Variants in ARHGAP42 observed in about 807,000 individuals in gnomAD.
ARHGAP42 encodes rho GTPase-activating protein 42.
ARHGAP42 carries 63 observed loss-of-function variants against 125.0 expected under a neutral mutation model. The ratio of observed to expected loss-of-function variants is 0.50; its 90% confidence interval spans 0.41 to 0.62. The LOEUF is 0.62. Among genes scored for constraint, ARHGAP42 ranks in the 20% least tolerant of loss-of-function variants. The probability of loss-of-function intolerance (pLI) is 0.00; values close to 1 mark genes in which losing one functional copy is unlikely to be tolerated. For synonymous variants in ARHGAP42, 339 were observed against 351.0 expected (o/e 0.97, Z 0.38); for missense variants, 766 against 1,024.2 (o/e 0.75, Z 3.44).
At chr11:100,909,668 G>C (rs1052209720) in intron 4 of ARHGAP42, among the ~76,000 whole-genome samples, 2 of 152,094 alleles carry the variant, frequency 1.3e-5, no homozygotes, top group Non-Finnish European at 1.5e-5. Flanking sequence ...ATCTTACCTT[G>C]AAGTCTTTAA....
intron 2 of ARHGAP42, among the ~76,000 whole-genome samples, chr11:100,775,332 T>C (rs1591170929): frequency 6.6e-6 from 1 of 152,226 alleles, no homozygotes; most frequent in Admixed American, 6.5e-5. Flanking sequence ...TATAAACCGG[T>C]ATAAGATAGA....
chr11:100,958,037 A>G (rs1389652942), intron 12 of ARHGAP42, among the ~76,000 whole-genome samples: 1 of 152,038 alleles, frequency 6.6e-6, no homozygotes, highest in African/African-American at 2.4e-5. Flanking sequence ...CTAGTACCAA[A>G]CATTTTAAAT....
chr11:100,936,253 A>T lies in ARHGAP42; in HGVS notation c.753A>T (p.Gln251His). 1 of 1,551,760 alleles carries T rather than the reference A, an allele frequency of 6.4e-7. No homozygotes were observed. The highest frequency in any genetic ancestry group is 8.7e-7 in the Non-Finnish European group (1 of 1,146,950). ...STRQEVERLM[Q>H]RMKSANQDYR... ...GACAAGAGGTAGAGCGGTTGATGCA[A>T]AGGATGAAATCTGCTAACCAGGACT... Residue 251 changes from glutamine to histidine, a missense_variant, in exon 8 of 24, where the codon CAA becomes CAT. Transcript: ENST00000298815.
At chr11:100,749,718 C>T (rs112206162) in intron 1 of ARHGAP42, among the ~76,000 whole-genome samples, 3,993 of 152,270 alleles carry the variant, frequency 0.026, 70 homozygotes, top group Non-Finnish European at 0.032. Flanking sequence ...GAGGTAGCTA[C>T]AGAACCACAG....
intron 2 of ARHGAP42, among the ~76,000 whole-genome samples, chr11:100,777,545 C>G (rs1193211193): frequency 6.6e-6 from 1 of 152,078 alleles, no homozygotes; most frequent in African/African-American, 2.4e-5. Context: ...ATTCTGTTTC[C>G]CAAATGAGAA....
chr11:100,777,826 C>G (rs1255407589), intron 2 of ARHGAP42, among the ~76,000 whole-genome samples: 1 of 152,134 alleles, frequency 6.6e-6, no homozygotes, highest in African/African-American at 2.4e-5. Context: ...AGAATTTGGT[C>G]ATGAGTACAA....
chr11:100,807,485 C>T (rs112871530), intron 3 of ARHGAP42, among the ~76,000 whole-genome samples: 59 of 152,292 alleles, frequency 3.9e-4, no homozygotes, highest in African/African-American at 1.3e-3. Context: ...CGTGAGCCAC[C>T]GGGTCCGGCC....
chr11:100,889,071 C>T (rs1866159644), intron 4 of ARHGAP42, among the ~76,000 whole-genome samples: 1 of 152,164 alleles, frequency 6.6e-6, no homozygotes, highest in Non-Finnish European at 1.5e-5. Context: ...ATCCTTGGAA[C>T]ATAAGTCATG....
At chr11:100,787,277 CA>C (rs547501810) in intron 2 of ARHGAP42, among the ~76,000 whole-genome samples, 203 of 130,774 alleles carry the variant, frequency 1.6e-3, no homozygotes, top group Admixed American at 3.3e-3. Context: ...GACTCCGTCT[CA>C]AAAAAAAAAA....
At chr11:100,931,961 G>A (rs1397484533) in intron 6 of ARHGAP42, among the ~76,000 whole-genome samples, 1 of 152,088 alleles carries the variant, frequency 6.6e-6, no homozygotes, top group East Asian at 1.9e-4. Context: ...TTATAAAAGG[G>A]CAAATGCTAC....
At chr11:100,749,531 T>G (rs902437555) in intron 1 of ARHGAP42, among the ~76,000 whole-genome samples, 3 of 152,072 alleles carry the variant, frequency 2.0e-5, no homozygotes, top group South Asian at 2.1e-4. Flanking sequence ...TGTCTCGCCT[T>G]GCCTGCCCTG....
intron 10 of ARHGAP42, among the ~76,000 whole-genome samples, chr11:100,946,213 C>A (rs543238858): frequency 3.9e-5 from 6 of 152,016 alleles, no homozygotes; most frequent in Non-Finnish European, 8.8e-5. Context: ...TGAAGACAGT[C>A]AGGGCCTTGC....
intron 3 of ARHGAP42, among the ~76,000 whole-genome samples, chr11:100,833,303 T>C (rs2135097637): frequency 6.6e-6 from 1 of 152,376 alleles, no homozygotes; most frequent in African/African-American, 2.4e-5. Flanking sequence ...TAAGTATCTT[T>C]TAAATGTGCT....
At chr11:100,876,847 T>C (rs1184365982) in intron 4 of ARHGAP42, among the ~76,000 whole-genome samples, 1 of 152,214 alleles carries the variant, frequency 6.6e-6, no homozygotes, top group Non-Finnish European at 1.5e-5. Flanking sequence ...TTTTACGTCT[T>C]TCTCTTCTAT....
chr11:100,923,886 C>T (rs765085375), intron 6 of ARHGAP42, among the ~76,000 whole-genome samples: 1 of 152,060 alleles, frequency 6.6e-6, no homozygotes, highest in Admixed American at 6.5e-5. Flanking sequence ...TGGAGTTGTA[C>T]TTAATATCCA....
chr11:100,756,222 CAAAAAAAAA>C (rs56164175), intron 1 of ARHGAP42, among the ~76,000 whole-genome samples: 1 of 47,930 alleles, frequency 2.1e-5, no homozygotes, highest in Admixed American at 3.2e-4. Flanking sequence ...CTTGTCTCTA[CAAAAAAAAA>C]AAAAAAAAAA....
intron 22 of ARHGAP42, among the ~76,000 whole-genome samples, chr11:100,984,422 G>C (rs1249634743): frequency 6.7e-6 from 1 of 150,020 alleles, no homozygotes; most frequent in Non-Finnish European, 1.5e-5. Flanking sequence ...TATTGCTTTA[G>C]TATCTTTCTA....
intron 1 of ARHGAP42, among the ~76,000 whole-genome samples, chr11:100,690,255 C>T (rs1259312556): frequency 7.3e-5 from 11 of 151,468 alleles, no homozygotes; most frequent in South Asian, 2.1e-4. Context: ...TTTTTTAGCA[C>T]GGCACTGTTA....
intron 4 of ARHGAP42, among the ~76,000 whole-genome samples, chr11:100,887,727 G>A (rs182813877): frequency 6.0e-4 from 91 of 152,316 alleles, no homozygotes; most frequent in Middle Eastern, 3.4e-3. Flanking sequence ...GCAGCTGTCA[G>A]CTCCTCCTGG....
Sources: gnomAD v4.1 joint callset for allele counts (sites outside exome capture counted in the v4.1 genomes callset) on GRCh38, gnomAD v4.1.1 for gene constraint, MANE v1.5 for transcripts, NCBI Gene and HGNC (gene_info 2026-07-23, HGNC 2026-07-21) for gene names.